The following MIGA1 variants were observed in gnomAD, a reference collection of about 807,000 sequenced individuals.
The protein encoded by MIGA1 is mitoguardin 1, also known as family with sequence similarity 73, member A.
MIGA1 carries 58 observed loss-of-function variants against 82.0 expected under a neutral mutation model. That is an observed-to-expected ratio of 0.71 (90% CI 0.57 to 0.88). MIGA1 has a LOEUF of 0.88. MIGA1 is among the 40% of genes least tolerant of loss of function. The pLI is 0.00. For missense variants in MIGA1, 751 were observed against 749.1 expected (o/e 1.00, Z -0.03); for synonymous variants, 249 against 253.6 (o/e 0.98, Z 0.17).
chr1:77,873,239 A>T, intron 15 of MIGA1, 119 bp downstream of exon 15: 1 of 1,001,438 alleles, frequency 1.0e-6, no homozygotes, highest in Non-Finnish European at 1.4e-6. Flanking sequence ...TAAAGTTATA[A>T]AAGTCACCTA....
At chr1:77,838,491 A>C (rs1475733003) in intron 7 of MIGA1, among the ~76,000 whole-genome samples, 1 of 152,112 alleles carries the variant, frequency 6.6e-6, no homozygotes, top group East Asian at 1.9e-4. Context: ...TCTGTCACCC[A>C]GGCTGGAGTA....
Position 77,878,244 on chromosome 1 carries a change from A to G in MIGA1, c.*3180A>G, listed in dbSNP as rs1646908828. 1 of 151,976 alleles carries G rather than the reference A, an allele frequency of 6.6e-6. No individual in the cohort carries two copies. The highest frequency in any genetic ancestry group is 1.5e-5 in the Non-Finnish European group (1 of 68,004). The allele number at this position is 151,976 out of a possible 1,614,324, so 9.4% of individuals were successfully genotyped here. ...CCCCATCTCTACTAAAAATACAAAA[A>G]TTAGCCAGGCATGGTGGCGCATGCC... On this transcript the variant is annotated 3_prime_UTR_variant, in exon 16 of 16. Coordinates refer to ENST00000370791, the MANE Select transcript of MIGA1 (RefSeq NM_198549.4).
In MIGA1 at chr1:77,858,962, C is replaced by T; in HGVS notation, c.1021C>T (p.His341Tyr). 3.1e-6 allele frequency: 5 copies of T among 1,612,676 alleles called. No individual in the cohort carries two copies. Among genetic ancestry groups the T allele is most frequent in the Non-Finnish European group, 4.2e-6 (5 of 1,178,712 alleles). Residue 341 changes from histidine (H) to tyrosine (Y), a missense_variant, in exon 9 of 16, where the codon CAT (histidine) becomes TAT (tyrosine). Physicochemically the swap from His to Tyr is moderately conservative, Grantham distance 83. This residue lies in a region of MIGA1 where 482 missense variants were observed against 439.4 expected (regional missense o/e 1.10). Coordinates refer to ENST00000370791, the MANE Select transcript of MIGA1 (RefSeq NM_198549.4). Reference sequence around the variant, plus strand: ...GCTTGCAGAACACAGAGAAGTACGGCATACCTACAGCCTGGAGTCCCTTTG... The same window carrying T: ...GCTTGCAGAACACAGAGAAGTACGGTATACCTACAGCCTGGAGTCCCTTTG...
At chr1:77,857,967 T>TA (rs1389257624) in intron 8 of MIGA1, among the ~76,000 whole-genome samples, 1 of 152,202 alleles carries the variant, frequency 6.6e-6, no homozygotes, top group Non-Finnish European at 1.5e-5. Flanking sequence ...TCATAGGTTA[T>TA]AATACTTGTA....
intron 11 of MIGA1, chr1:77,860,362 TATC>T (rs1276718586): frequency 8.9e-6 from 4 of 447,422 alleles, no homozygotes; most frequent in South Asian, 3.5e-5. Flanking sequence ...TGGTGAGAAT[TATC>T]ATTAGATCTG....
intron 7 of MIGA1, among the ~76,000 whole-genome samples, chr1:77,819,289 C>T (rs981165671): frequency 4.6e-5 from 7 of 151,912 alleles, no homozygotes; most frequent in African/African-American, 1.7e-4. Context: ...TTCCTTTTCT[C>T]TTCCCTTTTC....
At chr1:77,837,740 C>T (rs764593560) in intron 7 of MIGA1, among the ~76,000 whole-genome samples, 4 of 152,028 alleles carry the variant, frequency 2.6e-5, no homozygotes, top group Non-Finnish European at 5.9e-5. Flanking sequence ...TTAAGCATTC[C>T]CACTTAAAAT....
At chr1:77,807,440 A>G (rs61777142) in intron 5 of MIGA1, among the ~76,000 whole-genome samples, 2,758 of 152,334 alleles carry the variant, frequency 0.018, 50 homozygotes, top group South Asian at 0.065. Flanking sequence ...CTGGGATTAC[A>G]TGCGTGAGCC....
chr1:77,783,398 C>T, intron 2 of MIGA1, 47 bp downstream of exon 2: 1 of 1,105,056 alleles, frequency 9.0e-7, no homozygotes, highest in Non-Finnish European at 1.3e-6. Flanking sequence ...GCTTATTGCT[C>T]AGAGCATATT....
chr1:77,826,953 C>T (rs369980691), intron 7 of MIGA1, among the ~76,000 whole-genome samples: 4 of 150,390 alleles, frequency 2.7e-5, no homozygotes, highest in African/African-American at 7.4e-5. Flanking sequence ...TAAAAGCGCC[C>T]GCCAGCACGC....
chr1:77,820,280 G>T (rs1037235570), intron 7 of MIGA1, among the ~76,000 whole-genome samples: 1 of 151,976 alleles, frequency 6.6e-6, no homozygotes, highest in African/African-American at 2.4e-5. Context: ...TGAGACAGAG[G>T]GCCTGACTGT....
intron 2 of MIGA1, among the ~76,000 whole-genome samples, chr1:77,794,557 T>C (rs892084139): frequency 1.3e-5 from 2 of 152,242 alleles, no homozygotes; most frequent in African/African-American, 4.8e-5. Flanking sequence ...ATGATGTCTG[T>C]GTGCCTTGTT....
At chr1:77,822,588 G>A (rs1683860296) in intron 7 of MIGA1, among the ~76,000 whole-genome samples, 1 of 152,088 alleles carries the variant, frequency 6.6e-6, no homozygotes, top group African/African-American at 2.4e-5. Flanking sequence ...TGCAGCTAGG[G>A]ATTTGCCATC....
rs149569131 is a variant in MIGA1, at chr1:77,879,151, G to C, written c.*4087G>C. On this transcript the variant is annotated 3_prime_UTR_variant, in exon 16 of 16. Coordinates refer to ENST00000370791, the MANE Select transcript of MIGA1 (RefSeq NM_198549.4). ...AACCCATTTACTTTTATTTTAATGTGAATATATATTCAGAAATTATTTGAT... is the reference window on the plus strand; with the variant it reads ...AACCCATTTACTTTTATTTTAATGTCAATATATATTCAGAAATTATTTGAT... The C allele has an allele frequency of 1.8e-3, 283 of 154,610 alleles. 1 individual carries two copies. Among genetic ancestry groups the C allele is most frequent in the Non-Finnish European group, 3.2e-3 (220 of 69,714 alleles). The allele number at this position is 154,610 out of a possible 1,614,324, so 9.6% of individuals were successfully genotyped here. A position where few individuals can be genotyped will look rare whatever the true frequency, so the allele number is the denominator to read the frequency against.
chr1:77,810,807 T>C, intron 5 of MIGA1: 2 of 1,572,448 alleles, frequency 1.3e-6, no homozygotes, highest in Non-Finnish European at 1.7e-6. Context: ...AGAGCTATGA[T>C]GGTTTCTACT....
chr1:77,817,644 G>A (rs907930200), intron 7 of MIGA1, among the ~76,000 whole-genome samples: 1 of 152,146 alleles, frequency 6.6e-6, no homozygotes, highest in South Asian at 2.1e-4. Context: ...TGAATTTATG[G>A]CTGAGACTCT....
At chr1:77,819,504 G>T (rs1328897751) in intron 7 of MIGA1, among the ~76,000 whole-genome samples, 1 of 152,034 alleles carries the variant, frequency 6.6e-6, no homozygotes, top group Non-Finnish European at 1.5e-5. Context: ...GGCTGGTCAT[G>T]AACTCCTGAC....
At chr1:77,863,106 A>C (rs1053120970) in intron 12 of MIGA1, among the ~76,000 whole-genome samples, 3 of 152,202 alleles carry the variant, frequency 2.0e-5, no homozygotes, top group African/African-American at 4.8e-5. Context: ...CAGGCCAGCA[A>C]CCTGAGACTC....
intron 7 of MIGA1, among the ~76,000 whole-genome samples, chr1:77,833,051 G>A (rs1014515854): frequency 6.6e-6 from 1 of 152,136 alleles, no homozygotes; most frequent in Admixed American, 6.6e-5. Flanking sequence ...TTGGTAAGCA[G>A]CCAGATAGAA....
Sources: allele counts gnomAD v4.1 joint callset (sites outside exome capture counted in the v4.1 genomes callset), GRCh38; gene constraint gnomAD v4.1.1; regional missense constraint gnomAD v4.1.1; transcripts MANE v1.5; gene names NCBI Gene and HGNC (gene_info 2026-07-23, HGNC 2026-07-21).